The following TMEM164 variants were observed in gnomAD, a reference collection of about 807,000 sequenced individuals.
TMEM164 encodes the protein transmembrane protein 164, also known as RP13-360B22.2.
Under a neutral mutation model 18.8 loss-of-function variants are expected in TMEM164, and 4 were observed. That is an observed-to-expected ratio of 0.21 (90% confidence interval 0.10 to 0.49). The LOEUF (loss-of-function observed/expected upper bound fraction) is 0.49, where lower values mean the gene tolerates loss of function less well. Ranked by LOEUF, TMEM164 falls within the 20% of genes least tolerant of loss-of-function variation. TMEM164 has a pLI of 0.98. For synonymous variants in TMEM164, 86 were observed against 101.7 expected, an observed-to-expected ratio of 0.85 and a Z score of 0.93; for missense variants, 108 against 239.9, an observed-to-expected ratio of 0.45 and a Z score of 3.63.
At chrX:110,127,651 A>T (rs2066554183) in intron 4 of TMEM164, among the ~76,000 whole-genome samples, 1 of 112,019 alleles carries the variant, frequency 8.9e-6, no homozygotes, top group Non-Finnish European at 1.9e-5. Flanking sequence ...AATTTCACTA[A>T]CTCGGCCCCA....
intron 4 of TMEM164, among the ~76,000 whole-genome samples, chrX:110,121,226 C>A (rs745647253): frequency 2.7e-5 from 3 of 112,170 alleles, no homozygotes; most frequent in Admixed American, 9.4e-5. Flanking sequence ...AAAGTTTATC[C>A]TTTTCAAATA....
At position 110,176,217 on chromosome X, in the gene TMEM164, G is replaced by A; in HGVS notation, c.*2766G>A. ...CCCCTAGGTAGCCTTGGCCAGGGAT[G>A]TGGGCCAAGAACAGTCTGTGGAGCT... On this transcript the variant is annotated 3_prime_UTR_variant, in exon 7 of 7. Transcript: ENST00000372068. 1.3e-6 allele frequency: 1 copy of A among 756,810 alleles called. No individual in the cohort carries two copies. Among genetic ancestry groups the A allele is most frequent in the Non-Finnish European group, 1.6e-6 (1 of 639,649 alleles). The allele number at this position is 756,810 out of a possible 1,213,427, so 62.4% of individuals were successfully genotyped here.
At chrX:110,038,287 G>A (rs1356370144) in intron 2 of TMEM164, among the ~76,000 whole-genome samples, 2 of 110,824 alleles carry the variant, frequency 1.8e-5, no homozygotes, top group Non-Finnish European at 3.8e-5. Context: ...CACCGCGCCC[G>A]GCCTGGACTC....
chrX:110,126,031 G>A (rs1269063324), intron 4 of TMEM164, among the ~76,000 whole-genome samples: 2 of 112,385 alleles, frequency 1.8e-5, no homozygotes, highest in Non-Finnish European at 3.8e-5. Context: ...ATGGCAGGGC[G>A]GGGGGCTTCC....
chrX:110,044,080 G>A (rs751713948), intron 2 of TMEM164, among the ~76,000 whole-genome samples: 1 of 112,258 alleles, frequency 8.9e-6, no homozygotes, highest in South Asian at 3.6e-4. Flanking sequence ...CAACAATAGA[G>A]GCACTATACT....
At chrX:110,029,271 C>T (rs1265723873) in intron 2 of TMEM164, among the ~76,000 whole-genome samples, 1 of 111,926 alleles carries the variant, frequency 8.9e-6, no homozygotes, top group Non-Finnish European at 1.9e-5. Context: ...TTCTGGGATG[C>T]ATGAGGGGTT....
intron 2 of TMEM164, among the ~76,000 whole-genome samples, chrX:110,042,075 C>T (rs1026013216): frequency 1.3e-4 from 14 of 111,022 alleles, no homozygotes; most frequent in Middle Eastern, 4.7e-3. Flanking sequence ...GTGTACACTT[C>T]GGTAGCATTA....
At chrX:110,078,287 G>T (rs1000136842) in intron 3 of TMEM164, among the ~76,000 whole-genome samples, 2 of 111,970 alleles carry the variant, frequency 1.8e-5, no homozygotes, top group African/African-American at 6.5e-5. Context: ...AACTTGTGTA[G>T]TGAAGTTTTT....
chrX:110,122,942 G>A (rs2066472316), intron 4 of TMEM164, among the ~76,000 whole-genome samples: 1 of 112,140 alleles, frequency 8.9e-6, no homozygotes, highest in South Asian at 3.7e-4. Flanking sequence ...CTCTATTTTT[G>A]ATTTGGCTGC....
chrX:110,100,152 C>A (rs927170422), intron 3 of TMEM164, among the ~76,000 whole-genome samples: 3 of 111,201 alleles, frequency 2.7e-5, no homozygotes, highest in African/African-American at 6.5e-5. Context: ...AGTTTTACTT[C>A]TTCCTTTTCG....
intron 2 of TMEM164, chrX:110,020,333 G>A (rs763082639): frequency 2.2e-4 from 160 of 741,689 alleles, no homozygotes; most frequent in Non-Finnish European, 4.3e-5. Flanking sequence ...AGTTCATTTT[G>A]GGATTTGTTG....
chrX:110,012,448 GT>G (rs1006527689), intron 2 of TMEM164, among the ~76,000 whole-genome samples: 8 of 112,077 alleles, frequency 7.1e-5, no homozygotes, highest in Admixed American at 6.6e-4. Flanking sequence ...GAGAGGATGA[GT>G]TTTAAAAAAG....
intron 2 of TMEM164, among the ~76,000 whole-genome samples, chrX:110,033,217 T>C (rs1934599036): frequency 8.9e-6 from 1 of 112,049 alleles, no homozygotes; most frequent in South Asian, 3.7e-4. Context: ...TACATGCAAA[T>C]TGTTCCATTT....
intron 3 of TMEM164, among the ~76,000 whole-genome samples, chrX:110,095,631 C>G (rs2066005260): frequency 8.9e-6 from 1 of 112,108 alleles, no homozygotes; most frequent in South Asian, 3.7e-4. Context: ...CGAACATCCT[C>G]TTTAGCTTGG....
In TMEM164 at chrX:110,003,702, C is replaced by T; in HGVS notation, c.-73C>T. On this transcript the variant is annotated 5_prime_UTR_variant, in exon 2 of 7. Coordinates refer to ENST00000372068, the MANE Select transcript of TMEM164 (RefSeq NM_032227.4). ...TGCCCGCCTTACATGGTCCACCACC[C>T]GGGCAACCCTCTGGGCTTGTGTTCC... 8.9e-7 allele frequency: 1 copy of T among 1,118,035 alleles called. No individual in the cohort carries two copies. Among genetic ancestry groups the T allele is most frequent in the East Asian group, 3.0e-5 (1 of 33,042 alleles). 92.1% of individuals were successfully genotyped at this position (1,118,035 alleles called of 1,213,427 possible). A position where few individuals can be genotyped will look rare whatever the true frequency, so the allele number is the denominator to read the frequency against.
intron 3 of TMEM164, among the ~76,000 whole-genome samples, chrX:110,094,219 T>C (rs2065977901): frequency 8.9e-6 from 1 of 112,019 alleles, no homozygotes; most frequent in Non-Finnish European, 1.9e-5. Context: ...GGTGCAGAGC[T>C]GAGTTTAATT....
At chrX:110,124,482 C>T (rs184500410) in intron 4 of TMEM164, among the ~76,000 whole-genome samples, 3 of 110,758 alleles carry the variant, frequency 2.7e-5, no homozygotes, top group African/African-American at 9.8e-5. Context: ...GACTTTAGGG[C>T]AAACTGAGGG....
At position 110,177,002 on chromosome X, in the gene TMEM164, C is replaced by T. The variant is rs1054812364; in HGVS notation, c.*3551C>T. ...AGCTCCCCCCACTGCCCATCCTGCC[C>T]GCTTTGTGGCGGGTAGAGTCAGTGA... On this transcript the variant is annotated 3_prime_UTR_variant, in exon 7 of 7. Coordinates refer to ENST00000372068, the MANE Select transcript of TMEM164 (RefSeq NM_032227.4). The T allele has an allele frequency of 1.8e-5, 2 of 112,068 alleles. No individual in the cohort carries two copies. The highest frequency in any genetic ancestry group is 3.8e-5 in the Non-Finnish European group (2 of 53,124). 9.2% of individuals were successfully genotyped at this position (112,068 alleles called of 1,213,427 possible). A position where few individuals can be genotyped will look rare whatever the true frequency, so the allele number is the denominator to read the frequency against.
intron 4 of TMEM164, among the ~76,000 whole-genome samples, chrX:110,123,009 A>G (rs1208045054): frequency 8.9e-6 from 1 of 112,401 alleles, no homozygotes; most frequent in Non-Finnish European, 1.9e-5. Flanking sequence ...TCATGAAGAT[A>G]TATGACTGTT....
Sources: gnomAD v4.1 joint callset for allele counts (sites outside exome capture counted in the v4.1 genomes callset) on GRCh38, gnomAD v4.1.1 for gene constraint, MANE v1.5 for transcripts, NCBI Gene and HGNC (gene_info 2026-07-23, HGNC 2026-07-21) for gene names.